The following RBMS3 variants were observed in gnomAD, a reference collection of about 807,000 sequenced individuals.
RBMS3 encodes the protein RNA-binding motif, single-stranded-interacting protein 3.
A neutral mutation model predicts 66.8 loss-of-function variants in RBMS3; 27 were observed. The ratio of observed to expected loss-of-function variants is 0.40; its 90% confidence interval spans 0.30 to 0.56. RBMS3 has a LOEUF of 0.56. Ranked by LOEUF, RBMS3 falls within the 20% of genes least tolerant of loss-of-function variation. RBMS3 has a pLI of 0.40. For synonymous variants in RBMS3, 188 were observed against 183.0 expected, an observed-to-expected ratio of 1.03 and a Z score of -0.22; for missense variants, 513 against 549.5, an observed-to-expected ratio of 0.93 and a Z score of 0.66.
intron 7 of RBMS3, among the ~76,000 whole-genome samples, chr3:29,872,489 A>C (rs73053800): frequency 0.12 from 18,911 of 152,008 alleles, 1,351 homozygotes; most frequent in Middle Eastern, 0.24. Flanking sequence ...AACCCTATAG[A>C]TCTTCTAATA....
chr3:29,601,259 G>C (rs914799877), intron 4 of RBMS3, among the ~76,000 whole-genome samples: 2 of 151,952 alleles, frequency 1.3e-5, no homozygotes, highest in Admixed American at 6.6e-5. Flanking sequence ...ATGTAATTGT[G>C]ATGTTTGCTA....
intron 1 of RBMS3, among the ~76,000 whole-genome samples, chr3:29,369,149 C>G (rs145528124): frequency 6.6e-6 from 1 of 151,782 alleles, no homozygotes; most frequent in Non-Finnish European, 1.5e-5. Flanking sequence ...CAGCCGGCAC[C>G]GGGGCCTACT....
intron 1 of RBMS3, among the ~76,000 whole-genome samples, chr3:29,354,126 C>T (rs2037081160): frequency 6.6e-6 from 1 of 151,882 alleles, no homozygotes; most frequent in Admixed American, 6.6e-5. Context: ...TTAAATTACC[C>T]TTACTATTTA....
In RBMS3 at chr3:29,434,904, G is replaced by A. The variant is rs762447454; in HGVS notation, c.237G>A (p.Lys79=). The change falls in exon 2 of 15, where the codon AAG becomes AAA. Residue 79 remains lysine (K), a synonymous_variant. Transcript: ENST00000383767. ...GCACCACTGACCAGGACCTAATCAAGCTGTGCCAACCGTAAGTGTCCTTCT... is the reference window on the plus strand; with the variant it reads ...GCACCACTGACCAGGACCTAATCAAACTGTGCCAACCGTAAGTGTCCTTCT... ...PPGTTDQDLI[K]LCQPYGKIVS... 24 of 1,613,252 alleles carry A rather than the reference G, an allele frequency of 1.5e-5. No homozygotes were observed. Among genetic ancestry groups the A allele is most frequent in the African/African-American group, 4.0e-5 (3 of 74,876 alleles).
intron 4 of RBMS3, among the ~76,000 whole-genome samples, chr3:29,601,128 C>T (rs1449154119): frequency 2.0e-5 from 3 of 151,418 alleles, no homozygotes; most frequent in Non-Finnish European, 4.4e-5. Context: ...AATAGCATAA[C>T]ATACAATATA....
At chr3:29,780,757 G>T (rs1156903443) in intron 6 of RBMS3, among the ~76,000 whole-genome samples, 1 of 152,080 alleles carries the variant, frequency 6.6e-6, no homozygotes, top group Non-Finnish European at 1.5e-5. Flanking sequence ...CTTTGTGCAA[G>T]AATTTACAAA....
chr3:29,916,321 A>G (rs1027249412), intron 10 of RBMS3, among the ~76,000 whole-genome samples: 5 of 151,948 alleles, frequency 3.3e-5, no homozygotes, highest in African/African-American at 1.2e-4. Context: ...TATTGCTTAA[A>G]GTGTATCTTC....
At chr3:29,970,654 T>A (rs1032597629) in intron 12 of RBMS3, among the ~76,000 whole-genome samples, 2 of 152,196 alleles carry the variant, frequency 1.3e-5, no homozygotes, top group African/African-American at 4.8e-5. Flanking sequence ...CTCAATCCCA[T>A]ACCCTTTAGA....
intron 1 of RBMS3, among the ~76,000 whole-genome samples, chr3:29,343,430 T>C (rs1194073199): frequency 6.6e-6 from 1 of 152,242 alleles, no homozygotes; most frequent in East Asian, 1.9e-4. Flanking sequence ...GAGTGAATTA[T>C]TTTTGGATCT....
chr3:29,476,216 T>G (rs933433223), intron 2 of RBMS3, among the ~76,000 whole-genome samples: 1 of 152,194 alleles, frequency 6.6e-6, no homozygotes, highest in Non-Finnish European at 1.5e-5. Context: ...GGAATCTAAT[T>G]ATAACATAAG....
At position 29,410,987 on chromosome 3, in the gene RBMS3, C is replaced by T. The variant is rs1029257953; in HGVS notation, c.76-23756C>T. On this transcript the variant is annotated intron_variant, in intron 1 of 14. Coordinates refer to ENST00000383767, the MANE Select transcript of RBMS3 (RefSeq NM_001003793.3). The stretch of plus-strand genomic sequence containing the variant: ...CTTCTTAAAAAAAAAAAAAAAGCAA[C>T]ACAACTACATGTAAGCAATTGGAAA... Among the ~76,000 whole-genome samples the T allele has an allele frequency of 5.0e-5, 7 of 139,510 alleles. 1 individual carries two copies. Among genetic ancestry groups the T allele is most frequent in the Non-Finnish European group, 9.3e-5 (6 of 64,768 alleles). The allele number at this position is 139,510 out of a possible 152,430, so 91.5% of individuals were successfully genotyped here. A position where few individuals can be genotyped will look rare whatever the true frequency, so the allele number is the denominator to read the frequency against.
intron 6 of RBMS3, among the ~76,000 whole-genome samples, chr3:29,866,310 AAAC>A (rs1301643633): frequency 6.6e-6 from 1 of 152,164 alleles, no homozygotes; most frequent in Non-Finnish European, 1.5e-5. Flanking sequence ...TGTTAAAAAC[AAAC>A]AACAAAAACT....
intron 1 of RBMS3, among the ~76,000 whole-genome samples, chr3:29,410,925 C>A (rs766649945): frequency 6.8e-6 from 1 of 146,482 alleles, no homozygotes. Context: ...CTATTAAGGA[C>A]ATTTGCTGGA....
At chr3:29,881,942 C>A (rs2059746472) in intron 7 of RBMS3, among the ~76,000 whole-genome samples, 1 of 152,094 alleles carries the variant, frequency 6.6e-6, no homozygotes, top group South Asian at 2.1e-4. Context: ...GTCCCCAGGA[C>A]TTAAACAATT....
chr3:29,382,983 G>A (rs1225869018), intron 1 of RBMS3, among the ~76,000 whole-genome samples: 1 of 152,172 alleles, frequency 6.6e-6, no homozygotes, highest in African/African-American at 2.4e-5. Flanking sequence ...ACAAGCAAAT[G>A]AGAAAACCTG....
intron 3 of RBMS3, among the ~76,000 whole-genome samples, chr3:29,576,222 G>A (rs960383923): frequency 2.0e-5 from 3 of 152,174 alleles, no homozygotes; most frequent in African/African-American, 7.2e-5. Flanking sequence ...GACTCATAGA[G>A]GTACCACCTT....
intron 6 of RBMS3, among the ~76,000 whole-genome samples, chr3:29,804,117 G>A (rs1175257418): frequency 1.3e-5 from 2 of 151,992 alleles, no homozygotes; most frequent in Non-Finnish European, 2.9e-5. Context: ...AAGCAGATTT[G>A]ACAAAACTTG....
intron 4 of RBMS3, among the ~76,000 whole-genome samples, chr3:29,701,899 G>A (rs193173683): frequency 2.6e-5 from 4 of 152,222 alleles, no homozygotes; most frequent in South Asian, 2.1e-4. Flanking sequence ...CGGTCCCATC[G>A]ACCGCCCAAA....
At chr3:29,928,945 C>T (rs553790223) in intron 10 of RBMS3, among the ~76,000 whole-genome samples, 2 of 152,292 alleles carry the variant, frequency 1.3e-5, no homozygotes, top group East Asian at 1.9e-4. Flanking sequence ...ACAAGTTCAC[C>T]CTTTGTCATT....
Sources: allele counts gnomAD v4.1 joint callset (sites outside exome capture counted in the v4.1 genomes callset), GRCh38; gene constraint gnomAD v4.1.1; transcripts MANE v1.5; gene names NCBI Gene and HGNC (gene_info 2026-07-23, HGNC 2026-07-21).